Variants in KCNK10 observed in about 807,000 individuals in gnomAD.
KCNK10 encodes the protein potassium channel subfamily K member 10.
In KCNK10, 25 loss-of-function variants were observed where a neutral mutation model predicts 47.7. The ratio of observed to expected loss-of-function variants is 0.52; its 90% CI spans 0.38 to 0.73. The LOEUF (loss-of-function observed/expected upper bound fraction) is 0.73, where lower values mean the gene tolerates loss of function less well. Ranked by LOEUF, KCNK10 falls within the 30% of genes least tolerant of loss-of-function variation. The probability of loss-of-function intolerance (pLI) is 0.00; values close to 1 mark genes in which losing one functional copy is unlikely to be tolerated. For synonymous variants in KCNK10, 303 were observed against 285.6 expected (o/e 1.06, Z -0.61); for missense variants, 563 against 714.5 (o/e 0.79, Z 2.42).
intron 1 of KCNK10, among the ~76,000 whole-genome samples, chr14:88,303,408 TG>T (rs1402039156): frequency 1.3e-5 from 2 of 151,728 alleles, no homozygotes. Context: ...CCCCATAAAG[TG>T]GTGGTGGCTT....
At chr14:88,197,498 C>T (rs944667199) in intron 4 of KCNK10, among the ~76,000 whole-genome samples, 6 of 137,680 alleles carry the variant, frequency 4.4e-5, no homozygotes, top group East Asian at 4.7e-4. Flanking sequence ...CACTTGAACC[C>T]GGGAGGCAGA....
At chr14:88,279,932 C>CCTT (rs1887612654) in intron 1 of KCNK10, among the ~76,000 whole-genome samples, 1 of 152,012 alleles carries the variant, frequency 6.6e-6, no homozygotes. Context: ...TTTGCTTCTT[C>CCTT]CTCATTTTCT....
chr14:88,314,749 G>C (rs1888393814), intron 1 of KCNK10, among the ~76,000 whole-genome samples: 2 of 152,186 alleles, frequency 1.3e-5, no homozygotes, highest in African/African-American at 4.8e-5. Context: ...CTGCAACTGT[G>C]AGAACAGCAC....
At chr14:88,210,288 A>G (rs1179759761) in intron 4 of KCNK10, among the ~76,000 whole-genome samples, 2 of 152,206 alleles carry the variant, frequency 1.3e-5, no homozygotes, top group Non-Finnish European at 2.9e-5. Context: ...ATTCTGCACA[A>G]TATTATGGAC....
In KCNK10 at chr14:88,322,736, G is replaced by GA; in HGVS notation, c.52+10dup. The GA allele has an allele frequency of 6.2e-7, 1 of 1,614,064 alleles. No homozygotes were observed. Among genetic ancestry groups the GA allele is most frequent in the South Asian group, 1.1e-5 (1 of 91,072 alleles). On this transcript the variant is annotated intron_variant, in intron 1 of 6. Coordinates refer to ENST00000319231, the MANE Select transcript of KCNK10 (RefSeq NM_138317.3). This position sits in a 1 kb window ranked among gnomAD's most constrained non-coding sequence, Gnocchi z 4.8. ...GCAGGGCGAGGGCAGCCAAAAGTAG[G>GA]AAACACCCACCTTTAGGATCCCAGT...
At chr14:88,191,163 T>G (rs1178425543) in intron 5 of KCNK10, among the ~76,000 whole-genome samples, 1 of 151,880 alleles carries the variant, frequency 6.6e-6, no homozygotes, top group African/African-American at 2.4e-5. Flanking sequence ...GGTGGGATGA[T>G]CACTTGAGCC....
intron 1 of KCNK10, among the ~76,000 whole-genome samples, chr14:88,312,882 C>T (rs1184279121): frequency 6.6e-6 from 1 of 152,180 alleles, no homozygotes; most frequent in Non-Finnish European, 1.5e-5. Flanking sequence ...AAATCATCAT[C>T]ATGCTCACTG....
chr14:88,187,802 T>A (rs1028206046), intron 6 of KCNK10, among the ~76,000 whole-genome samples, 165 bp downstream of exon 6: 1 of 152,108 alleles, frequency 6.6e-6, no homozygotes, highest in Admixed American at 6.5e-5. Context: ...CTATTCTCCT[T>A]AGCTTTGAAG....
intron 1 of KCNK10, among the ~76,000 whole-genome samples, chr14:88,285,025 G>T (rs1168563384): frequency 1.3e-5 from 2 of 152,196 alleles, no homozygotes; most frequent in African/African-American, 4.8e-5. Context: ...TCTACAAAAT[G>T]GAACATGTGT....
chr14:88,286,775 G>A (rs755851509), intron 1 of KCNK10, among the ~76,000 whole-genome samples: 1 of 152,196 alleles, frequency 6.6e-6, no homozygotes, highest in African/African-American at 2.4e-5. Flanking sequence ...TCACTACCAC[G>A]AGAACAGTAT....
rs1377677017 is a variant in KCNK10 at position 88,191,354 on chromosome 14, C to CACACACACACACAT, written c.868+869_868+870insATGTGTGTGTGTGT. Among the ~76,000 whole-genome samples the CACACACACACACAT allele has an allele frequency of 2.0e-5, 3 of 152,086 alleles. No homozygotes were observed. In the East Asian group the frequency reaches 5.8e-4, roughly 29 times the overall value. ...CTGGTAAAGGAAACACACACACACA[C>CACACACACACACAT]ACACACACACTCCATCCAGACATTT... On this transcript the variant is annotated intron_variant, in intron 5 of 6. Transcript: ENST00000319231.
At chr14:88,208,483 G>C (rs1885352707) in intron 4 of KCNK10, among the ~76,000 whole-genome samples, 1 of 152,198 alleles carries the variant, frequency 6.6e-6, no homozygotes, top group African/African-American at 2.4e-5. Context: ...GACAATTGAG[G>C]CTTTCTGAAG....
At chr14:88,291,787 G>A (rs1244651360) in intron 1 of KCNK10, among the ~76,000 whole-genome samples, 1 of 152,206 alleles carries the variant, frequency 6.6e-6, no homozygotes, top group East Asian at 1.9e-4. Context: ...AGGCTGAGGA[G>A]GGTAGGCAAC....
At chr14:88,200,080 TTTC>T (rs977894597) in intron 4 of KCNK10, among the ~76,000 whole-genome samples, 33 of 149,974 alleles carry the variant, frequency 2.2e-4, no homozygotes, top group Non-Finnish European at 4.4e-4. Context: ...TCTTCCTTTC[TTTC>T]TTCCTTTCTT....
At chr14:88,199,358 A>T (rs1226223033) in intron 4 of KCNK10, among the ~76,000 whole-genome samples, 1 of 152,168 alleles carries the variant, frequency 6.6e-6, no homozygotes, top group Non-Finnish European at 1.5e-5. Flanking sequence ...GTTCACCCGG[A>T]AGGAAGACAT....
intron 1 of KCNK10, among the ~76,000 whole-genome samples, chr14:88,275,534 C>A (rs895950659): frequency 9.2e-5 from 14 of 151,762 alleles, no homozygotes; most frequent in Admixed American, 8.5e-4. Flanking sequence ...CCAGACAAAC[C>A]GTGAAGGAGT....
intron 2 of KCNK10, among the ~76,000 whole-genome samples, chr14:88,262,944 A>G (rs930363058): frequency 1.3e-5 from 2 of 152,184 alleles, no homozygotes; most frequent in Non-Finnish European, 2.9e-5. Flanking sequence ...TTGAAAATCC[A>G]AAGTCCATTG....
intron 3 of KCNK10, among the ~76,000 whole-genome samples, chr14:88,231,523 C>G (rs560535607): frequency 8.8e-4 from 134 of 152,274 alleles, no homozygotes; most frequent in African/African-American, 3.0e-3. Context: ...TTGGTAAGAA[C>G]CTGATCGCTC....
chr14:88,197,529 G>GCA (rs1054697593), intron 4 of KCNK10, among the ~76,000 whole-genome samples: 1 of 115,536 alleles, frequency 8.7e-6, no homozygotes, highest in Non-Finnish European at 1.6e-5. Flanking sequence ...AGCCAAGATT[G>GCA]CACCACTGCA....
Sources: allele counts gnomAD v4.1 joint callset (sites outside exome capture counted in the v4.1 genomes callset), GRCh38; gene constraint gnomAD v4.1.1; non-coding constraint Gnocchi (gnomAD v3.1); transcripts MANE v1.5; gene names NCBI Gene and HGNC (gene_info 2026-07-23, HGNC 2026-07-21).